DNAJC13: variants seen among roughly 807,000 people sequenced by gnomAD.
DNAJC13 encodes dnaJ homolog subfamily C member 13.
DNAJC13 carries 75 observed loss-of-function variants against 290.5 expected under a neutral mutation model. The ratio of observed to expected loss-of-function variants is 0.26; its 90% CI spans 0.21 to 0.31. The LOEUF is 0.31. DNAJC13 is among the 10% of genes least tolerant of loss of function. The pLI, the probability that DNAJC13 is intolerant of heterozygous loss-of-function variation, is 1.00. For synonymous variants in DNAJC13, 862 were observed against 892.0 expected (o/e 0.97, Z 0.60); for missense variants, 2,260 against 2,674.5 (o/e 0.85, Z 3.42).
In DNAJC13 at chr3:132,491,070, G is replaced by T; in HGVS notation, c.3623+19G>T. 2 of 1,574,930 alleles carry T rather than the reference G, an allele frequency of 1.3e-6. No homozygotes were observed. The highest frequency in any genetic ancestry group is 2.4e-5 in the South Asian group (2 of 84,252). ...AAATGAGGTAAATAACCAGTTGACT[G>T]ATTGATTTGTATTTTATAATTAAGT... On this transcript the variant is annotated intron_variant, in intron 32 of 55. Transcript: ENST00000260818.
chr3:132,438,385 C>T (rs1447564554), intron 2 of DNAJC13, among the ~76,000 whole-genome samples: 1 of 152,174 alleles, frequency 6.6e-6, no homozygotes, highest in South Asian at 2.1e-4. Context: ...TTAAAGTACT[C>T]ATCAGCAGTG....
rs114366455 is a variant in DNAJC13 at position 132,480,681 on chromosome 3, A to G, written c.2874+211A>G. On this transcript the variant is annotated intron_variant, in intron 26 of 55. Coordinates refer to ENST00000260818, the MANE Select transcript of DNAJC13 (RefSeq NM_015268.4). Reference sequence around the variant, plus strand: ...GTAACGATTGAGTTTTATTTTGTCAATTAAAGTAACTGTATCTCTAATATG... The same window carrying G: ...GTAACGATTGAGTTTTATTTTGTCAGTTAAAGTAACTGTATCTCTAATATG... 2.6e-3 allele frequency among the ~76,000 whole-genome samples: 403 copies of G among 152,358 alleles called. 3 individuals are homozygous for G. Among genetic ancestry groups the G allele is most frequent in the African/African-American group, 8.2e-3 (339 of 41,574 alleles).
rs1434530663 is a variant in DNAJC13 at position 132,482,228 on chromosome 3, CA to C, written c.2879del (p.Asn960MetfsTer2). The C allele has an allele frequency of 6.2e-7, 1 of 1,608,458 alleles. No individual in the cohort carries two copies. The highest frequency in any genetic ancestry group is 8.5e-7 in the Non-Finnish European group (1 of 1,177,440). On this transcript the variant is annotated frameshift_variant, in exon 27 of 56. Transcript: ENST00000260818. LOFTEE classifies it high-confidence loss of function. Reference protein sequence around the residue: ...VSRATVPLQSNVIEAAPDMKR... With the variant: ...VSRATVPLQSXVIEAAPDMKR... ...ATTTAAATCTTTTTTAAACTTAGAG[CA>C]ATGTAATTGAAGCTGCTCCAGATAT...
chr3:132,467,185 T>C lies in DNAJC13; in HGVS notation c.2080T>C (p.Phe694Leu). 6.2e-7 allele frequency: 1 copy of C among 1,611,908 alleles called. No individual in the cohort carries two copies. The highest frequency in any genetic ancestry group is 1.1e-5 in the South Asian group (1 of 90,554). Residue 694 changes from phenylalanine (F) to leucine (L), a missense_variant, in exon 20 of 56, where the codon TTT becomes CTT. Physicochemically the swap from Phe to Leu is conservative, Grantham distance 22 (BLOSUM62 0). This residue lies in a region of DNAJC13 where 762 missense variants were observed against 964.1 expected (regional missense o/e 0.79). Transcript: ENST00000260818. ...VKIAMDQYGK[F>L]NKVPEWQRLA... is the part of the protein sequence containing the mutation. ...TATTTTACAGGATCAGTATGGAAAA[T>C]TTAATAAAGTTCCAGAGTGGCAAAG...
intron 1 of DNAJC13, among the ~76,000 whole-genome samples, chr3:132,432,749 A>G (rs1181663216): frequency 6.6e-6 from 1 of 152,198 alleles, no homozygotes; most frequent in East Asian, 1.9e-4. Flanking sequence ...CAGTCAATGA[A>G]TATTGTACAT....
At chr3:132,515,667 T>C (rs759222449) in intron 46 of DNAJC13, among the ~76,000 whole-genome samples, 3 of 152,200 alleles carry the variant, frequency 2.0e-5, no homozygotes, top group Non-Finnish European at 4.4e-5. Flanking sequence ...TTTATACTTA[T>C]ATAGTCCAGT....
At chr3:132,453,732 T>C (rs759114138) in intron 8 of DNAJC13, 38 bp downstream of exon 8, 39 of 1,510,844 alleles carry the variant, frequency 2.6e-5, no homozygotes, top group Non-Finnish European at 3.4e-5. Context: ...GAGATTTCTT[T>C]CTATTGATAA....
At chr3:132,507,935 G>A (rs568313922) in intron 43 of DNAJC13, among the ~76,000 whole-genome samples, 15 of 152,298 alleles carry the variant, frequency 9.8e-5, no homozygotes, top group Admixed American at 9.2e-4. Context: ...TAAATAGGCC[G>A]AAAGCTATGC....
intron 2 of DNAJC13, among the ~76,000 whole-genome samples, chr3:132,436,533 T>C (rs1939389643): frequency 6.6e-6 from 1 of 152,232 alleles, no homozygotes; most frequent in African/African-American, 2.4e-5. Context: ...CCAGTTGTTT[T>C]GTGTATATAC....
intron 17 of DNAJC13, among the ~76,000 whole-genome samples, chr3:132,465,025 T>TA (rs1455076804): frequency 2.6e-5 from 4 of 152,166 alleles, no homozygotes; most frequent in Non-Finnish European, 4.4e-5. Context: ...TGTCCCTAAC[T>TA]AAAGCCTTTT....
intron 20 of DNAJC13, among the ~76,000 whole-genome samples, chr3:132,471,636 T>C (rs1353483696): frequency 1.6e-5 from 2 of 122,232 alleles, no homozygotes; most frequent in Admixed American, 8.1e-5. Context: ...GCTCCCCACA[T>C]CTCAGACGAT....
At chr3:132,533,327 C>T (rs1248092978) in intron 55 of DNAJC13, among the ~76,000 whole-genome samples, 1 of 140,526 alleles carries the variant, frequency 7.1e-6, no homozygotes, top group East Asian at 2.3e-4. Flanking sequence ...CCAGCATGCC[C>T]GCCCTCTTTT....
rs989605527 is a variant in DNAJC13 at position 132,450,703 on chromosome 3, A to G, written c.393A>G (p.Glu131=). The change falls in exon 6 of 56, where the codon GAA becomes GAG. Residue 131 remains glutamate (E), a synonymous_variant. Transcript: ENST00000260818. ...ACTCAAGAAAACCTGTAATTTTGGAAGTAACTCCAGGAGGCTTTGACCAAA... is the reference window on the plus strand; with the variant it reads ...ACTCAAGAAAACCTGTAATTTTGGAGGTAACTCCAGGAGGCTTTGACCAAA... ...WSDSRKPVIL[E]VTPGGFDQIN... The G allele has an allele frequency of 2.5e-6, 4 of 1,613,210 alleles. No homozygotes were observed. Among genetic ancestry groups the G allele is most frequent in the Non-Finnish European group, 3.4e-6 (4 of 1,179,520 alleles).
In DNAJC13 at chr3:132,461,188, C is replaced by T. The variant is rs777052097; in HGVS notation, c.1696C>T (p.Leu566Phe). ...GATGGTAGCATCCAATGGAAGAACC[C>T]TTTTTAAACTTTTTCAGGTGAGAGC... ...LEMVASNGRT[L>F]FKLFQHPSMA... is the part of the protein sequence containing the mutation. Residue 566 changes from leucine (L) to phenylalanine (F), a missense_variant, in exon 15 of 56, where the codon CTT becomes TTT. Leu to Phe is a conservative substitution (Grantham distance 22). Transcript: ENST00000260818. The T allele has an allele frequency of 6.2e-7, 1 of 1,613,942 alleles. No homozygotes were observed. Among genetic ancestry groups the T allele is most frequent in the South Asian group, 1.1e-5 (1 of 91,078 alleles).
At chr3:132,420,685 G>A (rs1272503850) in intron 1 of DNAJC13, among the ~76,000 whole-genome samples, 1 of 151,812 alleles carries the variant, frequency 6.6e-6, no homozygotes, top group Admixed American at 6.6e-5. Flanking sequence ...GTAAACCATC[G>A]CCCACCAGAG....
chr3:132,468,466 A>C (rs1934073737), intron 20 of DNAJC13, among the ~76,000 whole-genome samples: 1 of 152,212 alleles, frequency 6.6e-6, no homozygotes, highest in Admixed American at 6.5e-5. Flanking sequence ...CCAGAATAAT[A>C]GATTACTGCT....
At chr3:132,484,971 C>A (rs1934806059) in intron 29 of DNAJC13, among the ~76,000 whole-genome samples, 1 of 152,014 alleles carries the variant, frequency 6.6e-6, no homozygotes, top group Non-Finnish European at 1.5e-5. Flanking sequence ...GTAGTCCCTG[C>A]CCCTTGGGAG....
chr3:132,535,671 A>G (rs974809919), intron 55 of DNAJC13, among the ~76,000 whole-genome samples: 12 of 152,192 alleles, frequency 7.9e-5, no homozygotes, highest in African/African-American at 2.4e-4. Flanking sequence ...TATACATTTC[A>G]TCGTGGTAGC....
intron 48 of DNAJC13, among the ~76,000 whole-genome samples, chr3:132,518,038 G>T (rs1194333680): frequency 1.3e-5 from 2 of 151,948 alleles, no homozygotes; most frequent in Non-Finnish European, 2.9e-5. Flanking sequence ...TCTAATATTA[G>T]TTATTTTTTC....
Sources: allele counts gnomAD v4.1 joint callset (sites outside exome capture counted in the v4.1 genomes callset), GRCh38; gene constraint gnomAD v4.1.1; regional missense constraint gnomAD v4.1.1; transcripts MANE v1.5; gene names NCBI Gene and HGNC (gene_info 2026-07-23, HGNC 2026-07-21).